COL20A1: variants seen among roughly 807,000 people sequenced by gnomAD.
The protein encoded by COL20A1 is collagen type XX alpha 1 chain.
In COL20A1, 164 loss-of-function variants were observed where a neutral mutation model predicts 152.9. The observed-to-expected ratio is 1.07, with a 90% CI of 0.94 to 1.22. COL20A1 has a LOEUF of 1.22. Ranked by LOEUF, COL20A1 falls within the 50% of genes most tolerant of loss-of-function variation. The pLI is 0.00. For missense variants in COL20A1, 1,873 were observed against 1,744.8 expected (o/e 1.07, Z -1.31); for synonymous variants, 864 against 756.0 (o/e 1.14, Z -2.34).
Position 63,308,581 on chromosome 20 carries a change from CGGCG to C in COL20A1, c.817_820del (p.Ala273LeufsTer11). On this transcript the variant is annotated frameshift_variant, in exon 8 of 36. Coordinates refer to ENST00000358894, the MANE Select transcript of COL20A1 (RefSeq NM_020882.4). LOFTEE classifies it high-confidence loss of function. ...CACGTGCTGGGGCAGAACCTGCAGC[CGGCG>C]GCTGGCCTCCGTCCAGAGGCAGCCA... The C allele has an allele frequency of 6.2e-7, 1 of 1,604,984 alleles. No individual in the cohort carries two copies. The highest frequency in any genetic ancestry group is 8.5e-7 in the Non-Finnish European group (1 of 1,176,482).
rs1348232814 is a variant in COL20A1 at position 63,316,692 on chromosome 20, G to T, written c.2663+1G>T. The T allele has an allele frequency of 6.4e-7, 1 of 1,552,532 alleles. No individual in the cohort carries two copies. The highest frequency in any genetic ancestry group is 8.7e-7 in the Non-Finnish European group (1 of 1,149,300). On this transcript the variant is annotated splice_donor_variant, in intron 21 of 35. Transcript: ENST00000358894. LOFTEE classifies it high-confidence loss of function. Reference sequence around the variant, plus strand: ...ACGCCCAGCTGACAAGACGGGTCAGGTGTGAGGGCAAGGGCTGGGGTGGAG... The same window carrying T: ...ACGCCCAGCTGACAAGACGGGTCAGTTGTGAGGGCAAGGGCTGGGGTGGAG...
chr20:63,303,605 A>T (rs1393664019), intron 3 of COL20A1, among the ~76,000 whole-genome samples: 1 of 152,214 alleles, frequency 6.6e-6, no homozygotes, highest in Non-Finnish European at 1.5e-5. Context: ...GCACACAGTG[A>T]AAACTCAATA....
Position 63,314,153 on chromosome 20 carries a change from A to G in COL20A1, c.2440A>G (p.Ile814Val). The G allele has an allele frequency of 1.9e-6, 3 of 1,596,690 alleles. No individual in the cohort carries two copies. The highest frequency in any genetic ancestry group is 1.3e-5 in the African/African-American group (1 of 74,772). Residue 814 changes from isoleucine (I) to valine (V), a missense_variant, in exon 19 of 36, where the codon ATC (isoleucine) becomes GTC (valine). By Grantham distance (29) the Ile-to-Val change is conservative. Transcript: ENST00000358894. ...GAAGTACAGGGTCCTGGTCTCAGCT[A>G]TCTATGCAGCAGGCAGGAGTGAGGC... ...ATKYRVLVSA[I>V]YAAGRSEAVS...
At chr20:63,326,207 T>G in intron 30 of COL20A1, 58 bp downstream of exon 30, 1 of 1,408,332 alleles carries the variant, frequency 7.1e-7, no homozygotes, top group South Asian at 1.2e-5. Context: ...GTTCCAGGGG[T>G]CAGGCAGAGG....
intron 27 of COL20A1, among the ~76,000 whole-genome samples, chr20:63,323,643 C>T (rs920615388): frequency 2.0e-5 from 3 of 152,200 alleles, no homozygotes; most frequent in African/African-American, 7.2e-5. Flanking sequence ...AACGCCCTGG[C>T]TCTCGTGCTG....
chr20:63,303,043 C>T (rs941941708), intron 3 of COL20A1, among the ~76,000 whole-genome samples: 1 of 152,138 alleles, frequency 6.6e-6, no homozygotes, highest in Non-Finnish European at 1.5e-5. Flanking sequence ...GGTGATTATT[C>T]CCTGATGCCA....
At position 63,319,057 on chromosome 20, in the gene COL20A1, G is replaced by GT. The variant is rs542855912; in HGVS notation, c.2664dup (p.Asp889Ter). 3.5e-5 allele frequency: 55 copies of GT among 1,559,036 alleles called. No homozygotes were observed. In the African/African-American group the frequency reaches 6.2e-4, roughly 18 times the overall value. ...GCCTCTCCCTCCCCCAACCCCCACAGTGACGTCTACCCAGCCCCCCTACCT... is the reference window on the plus strand; with the variant it reads ...GCCTCTCCCTCCCCCAACCCCCACAGTTGACGTCTACCCAGCCCCCCTACCT... On this transcript the variant is annotated frameshift_variant and splice_region_variant. Transcript: ENST00000358894. LOFTEE classifies it high-confidence loss of function. The surrounding 1 kb of genome is among the most constrained non-coding windows in gnomAD (Gnocchi z 4.4).
At position 63,309,750 on chromosome 20, in the gene COL20A1, T is replaced by C; in HGVS notation, c.1106-8T>C. 6.4e-7 allele frequency: 1 copy of C among 1,559,892 alleles called. No individual in the cohort carries two copies. ...ACCACCTGCCCCCCACTCCCGCTAC[T>C]CCAGCAGCAGCGGCTCCAGCCCTGG... On this transcript the variant is annotated splice_region_variant and splice_polypyrimidine_tract_variant and intron_variant, in intron 9 of 35. Coordinates refer to ENST00000358894, the MANE Select transcript of COL20A1 (RefSeq NM_020882.4).
In COL20A1 at chr20:63,326,899, CAG is replaced by C. The variant is rs1427933409; in HGVS notation, c.3528+77_3528+78del. On this transcript the variant is annotated intron_variant, in intron 31 of 35. Coordinates refer to ENST00000358894, the MANE Select transcript of COL20A1 (RefSeq NM_020882.4). The stretch of plus-strand genomic sequence containing the variant: ...GGTGCAAGCCCCACATGCAACCACT[CAG>C]GGACTTCCTACTGACAGCTCAGGGA... 14 of 1,034,214 alleles carry C rather than the reference CAG, an allele frequency of 1.4e-5. No homozygotes were observed. In the African/African-American group the frequency reaches 2.4e-4, roughly 18 times the overall value. 64.1% of individuals were successfully genotyped at this position (1,034,214 alleles called of 1,614,324 possible).
intron 2 of COL20A1, among the ~76,000 whole-genome samples, chr20:63,295,947 T>G (rs2067788379): frequency 6.6e-6 from 1 of 152,194 alleles, no homozygotes; most frequent in South Asian, 2.1e-4. Context: ...TGAGCGATGG[T>G]TTTGTTCCGC....
intron 7 of COL20A1, 42 bp downstream of exon 7, chr20:63,308,132 C>T: frequency 6.3e-7 from 1 of 1,581,964 alleles, no homozygotes; most frequent in South Asian, 1.1e-5. Flanking sequence ...TGAGGGCGGA[C>T]CTCCTTCTGC....
intron 19 of COL20A1, 91 bp downstream of exon 19, chr20:63,314,292 C>A: frequency 8.3e-7 from 1 of 1,198,754 alleles, no homozygotes; most frequent in Non-Finnish European, 1.2e-6. Flanking sequence ...CTCATCCAAC[C>A]CCAGACCCAG....
In COL20A1 at chr20:63,316,591, G is replaced by T; in HGVS notation, c.2563G>T (p.Ala855Ser). ...LMVAFSLVEK[A>S]YASIRGVAME... ...GGTGGCCTTCAGCCTGGTGGAAAAG[G>T]CTTATGCGTCCATCCGGGGCGTGGC... The change falls in exon 21 of 36, where the codon GCT becomes TCT. Residue 855 changes from alanine (A) to serine (S), a missense_variant. Physicochemically the swap from Ala to Ser is moderately conservative, Grantham distance 99 (BLOSUM62 1). Coordinates refer to ENST00000358894, the MANE Select transcript of COL20A1 (RefSeq NM_020882.4). 2.5e-6 allele frequency: 4 copies of T among 1,588,904 alleles called. No individual in the cohort carries two copies. Among genetic ancestry groups the T allele is most frequent in the Non-Finnish European group, 3.4e-6 (4 of 1,167,848 alleles).
At chr20:63,301,683 T>A (rs1286180785) in intron 3 of COL20A1, among the ~76,000 whole-genome samples, 1 of 152,194 alleles carries the variant, frequency 6.6e-6, no homozygotes, top group Admixed American at 6.5e-5. Context: ...TCTCTAGTGC[T>A]GTTTTTTTCC....
intron 34 of COL20A1, among the ~76,000 whole-genome samples, 154 bp downstream of exon 34, chr20:63,328,652 G>C (rs1021455552): frequency 1.3e-5 from 2 of 152,216 alleles, no homozygotes; most frequent in African/African-American, 4.8e-5. Context: ...GTGAGGACAC[G>C]GGGCTTCCCT....
chr20:63,312,544 C>T lies in COL20A1; in HGVS notation c.1928C>T (p.Thr643Ile). ...GGSSTLTGRV[T>I]TKKAPSPSQL... ...TCCTCTACGCTGACTGGCCGGGTGA[C>T]CACCAGTGAGTGGGGAGAGGCTGGG... Residue 643 changes from threonine (T) to isoleucine (I), a missense_variant, in exon 15 of 36, where the codon ACC (threonine) becomes ATC (isoleucine). Coordinates refer to ENST00000358894, the MANE Select transcript of COL20A1 (RefSeq NM_020882.4). The T allele has an allele frequency of 6.3e-7, 1 of 1,582,316 alleles. No individual in the cohort carries two copies. The highest frequency in any genetic ancestry group is 8.6e-7 in the Non-Finnish European group (1 of 1,168,152).
intron 2 of COL20A1, among the ~76,000 whole-genome samples, chr20:63,295,863 A>G (rs2067786905): frequency 6.6e-6 from 1 of 152,252 alleles, no homozygotes; most frequent in East Asian, 1.9e-4. Context: ...GCCACGCTGT[A>G]AACTTGTCCC....
chr20:63,305,661 C>T lies in COL20A1; in HGVS notation c.337+101C>T. The T allele has an allele frequency of 7.4e-7, 1 of 1,342,876 alleles. No individual in the cohort carries two copies. 83.2% of individuals were successfully genotyped at this position (1,342,876 alleles called of 1,614,324 possible). A position where few individuals can be genotyped will look rare whatever the true frequency, so the allele number is the denominator to read the frequency against. ...CCTCCTCCAGGCTGCGTTCCAGCCC[C>T]AGGGGTGGGTATGTGTGAAGCAGTT... On this transcript the variant is annotated intron_variant, in intron 4 of 35. Transcript: ENST00000358894. The surrounding 1 kb of genome is among the most constrained non-coding windows in gnomAD (Gnocchi z 4.9).
rs762388933 is a variant in COL20A1 at position 63,312,784 on chromosome 20, T to C, written c.1934-8T>C. The stretch of plus-strand genomic sequence containing the variant: ...TACACCCCCAGCCTGTGTCTCCACT[T>C]CCTTCAGAGAAAGCTCCCAGCCCAA... On this transcript the variant is annotated splice_polypyrimidine_tract_variant and splice_region_variant and intron_variant, in intron 15 of 35. Transcript: ENST00000358894. The C allele has an allele frequency of 6.5e-7, 1 of 1,541,714 alleles. No individual in the cohort carries two copies. The highest frequency in any genetic ancestry group is 8.8e-7 in the Non-Finnish European group (1 of 1,137,908).
Sources: gnomAD v4.1 joint callset for allele counts (sites outside exome capture counted in the v4.1 genomes callset) on GRCh38, gnomAD v4.1.1 for gene constraint, Gnocchi (gnomAD v3.1) non-coding constraint, MANE v1.5 for transcripts, NCBI Gene and HGNC (gene_info 2026-07-23, HGNC 2026-07-21) for gene names.